Variants in MTO1 observed in about 807,000 individuals in gnomAD.
MTO1 encodes the protein mitochondrial tRNA translation optimization 1, also known as 5-taurinomethyluridine-[tRNA] synthase subunit MTO1, mitochondrial.
In MTO1, 46 loss-of-function variants were observed where a neutral mutation model predicts 71.6. The observed-to-expected ratio is 0.64, with a 90% CI of 0.51 to 0.82. The LOEUF is 0.82. Among genes scored for constraint, MTO1 ranks in the 40% least tolerant of loss-of-function variants. The pLI is 0.00. For missense variants in MTO1, 773 were observed against 867.5 expected (o/e 0.89, Z 1.37); for synonymous variants, 297 against 312.1 (o/e 0.95, Z 0.51).
At position 73,500,588 on chromosome 6, in the gene MTO1, T is replaced by C; in HGVS notation, c.1932T>C (p.Ser644=). 1.2e-6 allele frequency: 2 copies of C among 1,612,780 alleles called. No individual in the cohort carries two copies. The highest frequency in any genetic ancestry group is 1.7e-6 in the Non-Finnish European group (2 of 1,179,614). The change falls in exon 12 of 12, where the codon AGT becomes AGC. Residue 644 remains serine (S), a synonymous_variant. Coordinates refer to ENST00000498286, the MANE Select transcript of MTO1 (RefSeq NM_012123.4). ...FSRPQTIGAA[S]RIPGVTPAAI... Reference sequence around the variant, plus strand: ...TTGATTTTTAGATCGGGGCTGCTAGTCGCATACCCGGAGTAACACCTGCCG... The same window carrying C: ...TTGATTTTTAGATCGGGGCTGCTAGCCGCATACCCGGAGTAACACCTGCCG...
chr6:73,488,542 T>C (rs1238836501), intron 9 of MTO1, among the ~76,000 whole-genome samples: 1 of 152,192 alleles, frequency 6.6e-6, no homozygotes, highest in Non-Finnish European at 1.5e-5. Flanking sequence ...ATATATGATT[T>C]ACAAATATTT....
At position 73,482,028 on chromosome 6, in the gene MTO1, G is replaced by T. The variant is rs371070319; in HGVS notation, c.1261-12G>T. ...TCATAATGGCCTTTTAAACATTTCAGTGCTCTTGTAGGGTGTGATAGCCGG... is the reference window on the plus strand; with the variant it reads ...TCATAATGGCCTTTTAAACATTTCATTGCTCTTGTAGGGTGTGATAGCCGG... On this transcript the variant is annotated splice_polypyrimidine_tract_variant and intron_variant, in intron 7 of 11. Coordinates refer to ENST00000498286, the MANE Select transcript of MTO1 (RefSeq NM_012123.4). 3.1e-6 allele frequency: 5 copies of T among 1,613,932 alleles called. No individual in the cohort carries two copies. The highest frequency in any genetic ancestry group is 3.3e-5 in the Admixed American group (2 of 59,970).
chr6:73,464,855 A>C (rs1001370705), intron 1 of MTO1, among the ~76,000 whole-genome samples: 22 of 150,264 alleles, frequency 1.5e-4, no homozygotes, highest in African/African-American at 4.9e-5. Flanking sequence ...AAAAAAAAAA[A>C]AAAAAACTTT....
intron 4 of MTO1, among the ~76,000 whole-genome samples, chr6:73,476,214 A>T (rs1161845178): frequency 1.3e-5 from 2 of 151,470 alleles, no homozygotes; most frequent in Non-Finnish European, 2.9e-5. Flanking sequence ...AATAAAAAAA[A>T]AATAAAAAAA....
At chr6:73,499,521 CAAA>C (rs200492522) in intron 11 of MTO1, among the ~76,000 whole-genome samples, 2 of 108,840 alleles carry the variant, frequency 1.8e-5, no homozygotes, top group African/African-American at 3.4e-5. Context: ...AACCCTGTCT[CAAA>C]AAAAAAAAAA....
chr6:73,500,073 C>T (rs1772111578), intron 11 of MTO1, among the ~76,000 whole-genome samples: 1 of 152,136 alleles, frequency 6.6e-6, no homozygotes, highest in Non-Finnish European at 1.5e-5. Flanking sequence ...AATCACAGCT[C>T]ACTGCATTCT....
At chr6:73,489,877 A>G (rs1223305478) in intron 9 of MTO1, among the ~76,000 whole-genome samples, 2 of 152,158 alleles carry the variant, frequency 1.3e-5, no homozygotes, top group African/African-American at 2.4e-5. Flanking sequence ...GCCTTCCACA[A>G]TGGTTAAACT....
intron 10 of MTO1, 86 bp downstream of exon 10, chr6:73,492,438 GCA>G: frequency 1.1e-6 from 1 of 879,036 alleles, no homozygotes; most frequent in South Asian, 1.4e-5. Context: ...TGTTGGACCA[GCA>G]CAGTGTTAGC....
rs183206546 is a variant in MTO1 at position 73,483,266 on chromosome 6, G to A, written c.1637+646G>A. The stretch of plus-strand genomic sequence containing the variant: ...TCTACTAAAAATACAAAAATTAGCC[G>A]GGCGTGGTAGTGCACACCTGTAATC... On this transcript the variant is annotated intron_variant, in intron 9 of 11. Transcript: ENST00000498286. Among the ~76,000 whole-genome samples, 329 of 151,900 alleles carry A rather than the reference G, an allele frequency of 2.2e-3. 2 individuals carry two copies. The highest frequency in any genetic ancestry group is 0.01 in the East Asian group (52 of 5,102).
chr6:73,470,964 A>C (rs1771146758), intron 3 of MTO1, among the ~76,000 whole-genome samples: 1 of 152,086 alleles, frequency 6.6e-6, no homozygotes, highest in Admixed American at 6.6e-5. Context: ...ATAGAAAAAA[A>C]AAAGATAGTC....
At chr6:73,469,289 A>T (rs1364153316) in intron 3 of MTO1, among the ~76,000 whole-genome samples, 1 of 149,520 alleles carries the variant, frequency 6.7e-6, no homozygotes, top group African/African-American at 2.4e-5. Context: ...AAGTGTTGGG[A>T]TTACAGGCAT....
chr6:73,479,647 A>G (rs1398330162), intron 4 of MTO1, 85 bp from the exon 5 acceptor site: 1 of 1,044,628 alleles, frequency 9.6e-7, no homozygotes, highest in South Asian at 1.5e-5. Context: ...TATTAAAGTC[A>G]GTACGTATCA....
chr6:73,497,696 A>C, intron 10 of MTO1, 40 bp from the exon 11 acceptor site: 1 of 1,581,802 alleles, frequency 6.3e-7, no homozygotes, highest in Non-Finnish European at 8.7e-7. Flanking sequence ...AGTATAATAT[A>C]ATCTGGGTAT....
At chr6:73,495,307 T>C (rs368299571) in intron 10 of MTO1, among the ~76,000 whole-genome samples, 2 of 152,222 alleles carry the variant, frequency 1.3e-5, no homozygotes, top group Admixed American at 1.3e-4. Flanking sequence ...ACCATCACAA[T>C]TTCTCTATTG....
In MTO1 at chr6:73,466,610, C is replaced by CA; in HGVS notation, c.535+4_535+5insA. 6.2e-7 allele frequency: 1 copy of CA among 1,607,166 alleles called. No homozygotes were observed. The highest frequency in any genetic ancestry group is 8.5e-7 in the Non-Finnish European group (1 of 1,173,852). ...CGTGTCAGTGGGGTTGTTTTGGGTACGTATTGGTTATAGATGGTGTATGAT... is the reference window on the plus strand; with the variant it reads ...CGTGTCAGTGGGGTTGTTTTGGGTACAGTATTGGTTATAGATGGTGTATGAT... On this transcript the variant is annotated splice_donor_region_variant and intron_variant, in intron 3 of 11. Transcript: ENST00000498286.
intron 3 of MTO1, among the ~76,000 whole-genome samples, 190 bp from the exon 4 acceptor site, chr6:73,473,175 A>T (rs1402256609): frequency 6.6e-6 from 1 of 152,160 alleles, no homozygotes; most frequent in Non-Finnish European, 1.5e-5. Flanking sequence ...GCTACTCGGG[A>T]GGCTGAGGCA....
At chr6:73,462,801 T>G (rs1582667203) in intron 1 of MTO1, among the ~76,000 whole-genome samples, 1 of 152,256 alleles carries the variant, frequency 6.6e-6, no homozygotes, top group Admixed American at 6.5e-5. Context: ...TAAAAACATT[T>G]TTTTAGAGAC....
chr6:73,494,406 T>C (rs528327383), intron 10 of MTO1, among the ~76,000 whole-genome samples: 5 of 152,040 alleles, frequency 3.3e-5, no homozygotes, highest in Admixed American at 1.3e-4. Flanking sequence ...AGGAAAAGAC[T>C]ATGCTCTTTG....
intron 6 of MTO1, 79 bp downstream of exon 6, chr6:73,480,205 ATTG>A: frequency 7.3e-7 from 1 of 1,370,216 alleles, no homozygotes. Context: ...AGCTACAGTC[ATTG>A]TTGTTCAGAG....
Sources: gnomAD v4.1 joint callset for allele counts (sites outside exome capture counted in the v4.1 genomes callset) on GRCh38, gnomAD v4.1.1 for gene constraint, MANE v1.5 for transcripts, NCBI Gene and HGNC (gene_info 2026-07-23, HGNC 2026-07-21) for gene names.